NDUFA12: variants seen among roughly 807,000 people sequenced by gnomAD.
The protein encoded by NDUFA12 is NADH:ubiquinone oxidoreductase subunit A12, also known as NADH dehydrogenase [ubiquinone] 1 alpha subcomplex subunit 12.
Under a neutral mutation model 20.3 loss-of-function variants are expected in NDUFA12, and 17 were observed. That is an observed-to-expected ratio of 0.84 (90% confidence interval 0.57 to 1.26). The LOEUF (loss-of-function observed/expected upper bound fraction) is 1.26, where lower values mean the gene tolerates loss of function less well. Ranked by LOEUF, NDUFA12 falls within the 50% of genes most tolerant of loss-of-function variation. The pLI, the probability that NDUFA12 is intolerant of heterozygous loss-of-function variation, is 0.00. For missense variants in NDUFA12, 191 were observed against 183.7 expected, an observed-to-expected ratio of 1.04 and a Z score of -0.23; for synonymous variants, 72 against 63.6, an observed-to-expected ratio of 1.13 and a Z score of -0.63.
intron 3 of NDUFA12, among the ~76,000 whole-genome samples, chr12:94,992,160 T>C (rs1352365112): frequency 1.3e-5 from 2 of 152,248 alleles, no homozygotes; most frequent in Non-Finnish European, 2.9e-5. Flanking sequence ...GTATATCAAC[T>C]GTATGGTATT....
intron 2 of NDUFA12, among the ~76,000 whole-genome samples, chr12:95,001,951 C>G (rs1158045378): frequency 6.6e-6 from 1 of 151,980 alleles, no homozygotes; most frequent in Non-Finnish European, 1.5e-5. Context: ...GATCCGCCCG[C>G]CTCCGCCTCC....
chr12:94,993,814 G>C (rs1874728839), intron 3 of NDUFA12, among the ~76,000 whole-genome samples: 1 of 151,652 alleles, frequency 6.6e-6, no homozygotes, highest in South Asian at 2.1e-4. Flanking sequence ...CACACCTGTA[G>C]TCCCAGCTAC....
intron 3 of NDUFA12, among the ~76,000 whole-genome samples, chr12:94,990,139 T>G (rs1414746986): frequency 3.3e-5 from 5 of 152,062 alleles, no homozygotes. Context: ...GCTTAATACC[T>G]AGGTGATAGG....
At position 94,980,313 on chromosome 12, in the gene NDUFA12, C is replaced by A. The variant is rs114531290; in HGVS notation, c.258-8693G>T. 6.9e-3 allele frequency among the ~76,000 whole-genome samples: 1,058 copies of A among 152,236 alleles called. 14 individuals carry two copies. Among genetic ancestry groups the A allele is most frequent in the African/African-American group, 0.025 (1,036 of 41,546 alleles). ...CAACCCGCCCTTCTACAAGTCTTCT[C>A]ATCTCAGTGAATGGTCCCAGCATTA... On this transcript the variant is annotated intron_variant, in intron 3 of 3. Transcript: ENST00000327772.
At chr12:95,001,893 C>T (rs910729177) in intron 2 of NDUFA12, among the ~76,000 whole-genome samples, 1 of 151,738 alleles carries the variant, frequency 6.6e-6, no homozygotes, top group African/African-American at 2.4e-5. Context: ...TTAGTAGCGA[C>T]TGGGTTTCAC....
At chr12:94,990,794 A>G (rs1471365863) in intron 3 of NDUFA12, among the ~76,000 whole-genome samples, 2 of 152,200 alleles carry the variant, frequency 1.3e-5, no homozygotes, top group African/African-American at 4.8e-5. Context: ...TGACACAGTC[A>G]GTGCTCACAA....
intron 3 of NDUFA12, among the ~76,000 whole-genome samples, chr12:94,982,571 A>C (rs1230305121): frequency 6.6e-6 from 1 of 151,960 alleles, no homozygotes; most frequent in African/African-American, 2.4e-5. Context: ...CCCGGCCCAG[A>C]AGCTATTTTC....
intron 2 of NDUFA12, among the ~76,000 whole-genome samples, chr12:95,001,129 A>AC (rs1426201911): frequency 1.3e-5 from 2 of 152,022 alleles, no homozygotes; most frequent in Admixed American, 6.6e-5. Flanking sequence ...ACAAAGTGAG[A>AC]CCCCATCTCT....
At chr12:95,003,078 A>C (rs1875116145) in intron 1 of NDUFA12, among the ~76,000 whole-genome samples, 1 of 152,218 alleles carries the variant, frequency 6.6e-6, no homozygotes, top group African/African-American at 2.4e-5. Flanking sequence ...TGGAATTAGC[A>C]AAACCTTTAG....
In NDUFA12 at chr12:94,971,638, A is replaced by G; in HGVS notation, c.258-18T>C. 6.2e-7 allele frequency: 1 copy of G among 1,613,934 alleles called. No individual in the cohort carries two copies. Among genetic ancestry groups the G allele is most frequent in the South Asian group, 1.1e-5 (1 of 91,076 alleles). On this transcript the variant is annotated intron_variant, in intron 3 of 3. Coordinates refer to ENST00000327772, the MANE Select transcript of NDUFA12 (RefSeq NM_018838.5). Reference sequence around the variant, plus strand: ...AACGATGCCTTAAAGAGGGGAAAAAACCCAAACAGTTATGAAGAGGCAGTA... The same window carrying G: ...AACGATGCCTTAAAGAGGGGAAAAAGCCCAAACAGTTATGAAGAGGCAGTA...
intron 3 of NDUFA12, among the ~76,000 whole-genome samples, chr12:94,993,354 G>C (rs141596751): frequency 0.026 from 2,326 of 91,050 alleles, 70 homozygotes; most frequent in African/African-American, 0.073. Context: ...GCCGAGTGCA[G>C]TGGCTCATGC....
intron 3 of NDUFA12, among the ~76,000 whole-genome samples, chr12:94,984,476 G>A (rs889151600): frequency 6.6e-6 from 1 of 151,888 alleles, no homozygotes; most frequent in Non-Finnish European, 1.5e-5. Context: ...TTGCGGTTGA[G>A]CTGAGATTGC....
At chr12:94,984,721 AAAAAACAAC>A (rs1650875904) in intron 3 of NDUFA12, among the ~76,000 whole-genome samples, 1 of 118,838 alleles carries the variant, frequency 8.4e-6, no homozygotes, top group South Asian at 3.0e-4. Context: ...AGCCAAAAAA[AAAAAACAAC>A]AAAAAACCCA....
intron 3 of NDUFA12, among the ~76,000 whole-genome samples, chr12:94,981,803 C>T (rs1350775551): frequency 2.0e-5 from 3 of 152,096 alleles, no homozygotes; most frequent in Non-Finnish European, 4.4e-5. Context: ...CTAGGCAATC[C>T]GTTTCTTATT....
chr12:94,975,549 A>G (rs1874039243), intron 3 of NDUFA12, among the ~76,000 whole-genome samples: 1 of 152,214 alleles, frequency 6.6e-6, no homozygotes, highest in Non-Finnish European at 1.5e-5. Flanking sequence ...GGCAGCAGGT[A>G]TCAAAAACTT....
At chr12:94,989,497 G>C (rs995564566) in intron 3 of NDUFA12, among the ~76,000 whole-genome samples, 1 of 152,150 alleles carries the variant, frequency 6.6e-6, no homozygotes, top group Non-Finnish European at 1.5e-5. Flanking sequence ...AGTGTGTCAC[G>C]GTCAACAAAG....
intron 3 of NDUFA12, among the ~76,000 whole-genome samples, chr12:94,991,757 G>A (rs1233574511): frequency 1.4e-5 from 2 of 147,396 alleles, no homozygotes; most frequent in African/African-American, 5.0e-5. Context: ...GAAAAAACAA[G>A]AAGTCTCACA....
At chr12:95,001,252 G>A (rs1458129994) in intron 2 of NDUFA12, among the ~76,000 whole-genome samples, 1 of 152,026 alleles carries the variant, frequency 6.6e-6, no homozygotes, top group African/African-American at 2.4e-5. Flanking sequence ...GCTGCAGGGA[G>A]TCAAGATCAC....
At chr12:94,988,301 T>C (rs1203947495) in intron 3 of NDUFA12, among the ~76,000 whole-genome samples, 1 of 152,240 alleles carries the variant, frequency 6.6e-6, no homozygotes, top group Non-Finnish European at 1.5e-5. Context: ...TTTATGGTCA[T>C]ATTGTGGTTA....
Sources: allele counts gnomAD v4.1 joint callset (sites outside exome capture counted in the v4.1 genomes callset), GRCh38; gene constraint gnomAD v4.1.1; transcripts MANE v1.5; gene names NCBI Gene and HGNC (gene_info 2026-07-23, HGNC 2026-07-21).